Variants in NRXN3 observed in about 807,000 individuals in gnomAD.
NRXN3 encodes neurexin 3, also known as neurexin III.
NRXN3 carries 32 observed loss-of-function variants against 137.6 expected under a neutral mutation model. The observed-to-expected ratio is 0.23, with a 90% CI of 0.18 to 0.31. The LOEUF (loss-of-function observed/expected upper bound fraction) is 0.31. Ranked by LOEUF, NRXN3 falls within the 10% of genes least tolerant of loss-of-function variation. The probability of loss-of-function intolerance (pLI) is 1.00; values close to 1 mark genes in which losing one functional copy is unlikely to be tolerated. For synonymous variants in NRXN3, 798 were observed against 784.5 expected, an observed-to-expected ratio of 1.02 and a Z score of -0.29; for missense variants, 1,574 against 2,062.5, an observed-to-expected ratio of 0.76 and a Z score of 4.59.
At chr14:79,614,287 T>C (rs569388329) in intron 16 of NRXN3, among the ~76,000 whole-genome samples, 175 of 152,332 alleles carry the variant, frequency 1.1e-3, no homozygotes, top group Non-Finnish European at 2.2e-3. Context: ...TTACTGGCCT[T>C]AGATAAGCTT....
intron 4 of NRXN3, among the ~76,000 whole-genome samples, chr14:78,574,876 G>A (rs1479885152): frequency 2.0e-5 from 3 of 152,138 alleles, no homozygotes; most frequent in Non-Finnish European, 2.9e-5. Flanking sequence ...ACAATTCAAG[G>A]TGAGATTTGG....
At chr14:78,407,693 A>T (rs1375759092) in intron 4 of NRXN3, among the ~76,000 whole-genome samples, 1 of 152,144 alleles carries the variant, frequency 6.6e-6, no homozygotes, top group African/African-American at 2.4e-5. Context: ...CACACTTGGG[A>T]ATAATCTCAG....
chr14:79,284,809 C>T (rs1263269235), intron 15 of NRXN3, among the ~76,000 whole-genome samples: 1 of 152,016 alleles, frequency 6.6e-6, no homozygotes, highest in Non-Finnish European at 1.5e-5. Flanking sequence ...TATTGAGTGC[C>T]TTCTTCTGCT....
chr14:79,805,891 A>G (rs1028443145), intron 20 of NRXN3, among the ~76,000 whole-genome samples: 2 of 152,290 alleles, frequency 1.3e-5, no homozygotes, highest in African/African-American at 4.8e-5. Context: ...AGAAGCTTCA[A>G]TGTGTTCCCC....
chr14:79,295,878 G>C (rs1178949285), intron 15 of NRXN3, among the ~76,000 whole-genome samples: 2 of 152,232 alleles, frequency 1.3e-5, no homozygotes, highest in South Asian at 4.1e-4. Flanking sequence ...AGCCTTCTGT[G>C]TTTACTTTTT....
chr14:78,870,750 A>G (rs1403212628), intron 10 of NRXN3, among the ~76,000 whole-genome samples: 1 of 151,498 alleles, frequency 6.6e-6, no homozygotes, highest in African/African-American at 2.4e-5. Flanking sequence ...GTTCAATATT[A>G]TTTTTAGCTC....
At chr14:78,484,875 T>A (rs2095537325) in intron 4 of NRXN3, among the ~76,000 whole-genome samples, 1 of 152,202 alleles carries the variant, frequency 6.6e-6, no homozygotes, top group African/African-American at 2.4e-5. Context: ...AATTAATTAA[T>A]GTCAGTAAAT....
Position 78,663,547 on chromosome 14 carries a change from G to A in NRXN3, c.1221+12221G>A, listed in dbSNP as rs58685373. ...GTGCAATAGTTTCGTCTTGAGATGG[G>A]CAGCACATTGTTTCTTTTTGTTCCA... is the stretch of plus-strand genomic sequence containing the variant. On this transcript the variant is annotated intron_variant, in intron 6 of 20. Coordinates refer to ENST00000335750, the MANE Select transcript of NRXN3 (RefSeq NM_001330195.2). 8.2e-3 allele frequency among the ~76,000 whole-genome samples: 1,248 copies of A among 152,240 alleles called. 92 individuals carry two copies. The East Asian group carries it at 0.18, about 22-fold the overall frequency.
intron 16 of NRXN3, among the ~76,000 whole-genome samples, chr14:79,620,121 G>T (rs1304750671): frequency 6.6e-6 from 1 of 152,062 alleles, no homozygotes; most frequent in Admixed American, 6.6e-5. Flanking sequence ...GATAAACCAA[G>T]AAGAAATGTG....
At chr14:79,376,208 G>A (rs7494375) in intron 15 of NRXN3, among the ~76,000 whole-genome samples, 910 of 42,444 alleles carry the variant, frequency 0.021, 11 homozygotes, top group Middle Eastern at 0.083. Context: ...GTGTGTGTGT[G>A]TGTATGTATA....
intron 14 of NRXN3, among the ~76,000 whole-genome samples, chr14:78,987,278 G>A (rs2099508925): frequency 6.6e-6 from 1 of 152,090 alleles, no homozygotes; most frequent in African/African-American, 2.4e-5. Context: ...TCCACAGCAT[G>A]CGTTTTAGAG....
chr14:79,056,277 G>T (rs1420635234), intron 15 of NRXN3, among the ~76,000 whole-genome samples: 10 of 152,136 alleles, frequency 6.6e-5, no homozygotes, highest in Non-Finnish European at 1.3e-4. Flanking sequence ...TTTACTGAGG[G>T]CATAGTAAGG....
At chr14:79,433,827 T>C (rs1327240939) in intron 15 of NRXN3, among the ~76,000 whole-genome samples, 1 of 152,234 alleles carries the variant, frequency 6.6e-6, no homozygotes, top group Admixed American at 6.5e-5. Flanking sequence ...AGCTCTTGCC[T>C]ATTTAGAAGC....
intron 10 of NRXN3, among the ~76,000 whole-genome samples, chr14:78,848,173 T>C (rs2099032869): frequency 6.6e-6 from 1 of 152,082 alleles, no homozygotes; most frequent in South Asian, 2.1e-4. Flanking sequence ...TATCCTCCCT[T>C]CACCCACCAG....
chr14:79,089,326 T>C (rs1182143274), intron 15 of NRXN3, among the ~76,000 whole-genome samples: 1 of 152,070 alleles, frequency 6.6e-6, no homozygotes, highest in African/African-American at 2.4e-5. Flanking sequence ...TGCTAGTTGA[T>C]AGCAAACAAG....
At chr14:78,183,032 T>A (rs1595676357) in intron 1 of NRXN3, among the ~76,000 whole-genome samples, 1 of 151,952 alleles carries the variant, frequency 6.6e-6, no homozygotes, top group Non-Finnish European at 1.5e-5. Flanking sequence ...CAATGGCAGG[T>A]TGGGAGGCAA....
At chr14:78,322,602 C>T (rs2079524042) in intron 4 of NRXN3, among the ~76,000 whole-genome samples, 1 of 151,922 alleles carries the variant, frequency 6.6e-6, no homozygotes, top group Admixed American at 6.5e-5. Flanking sequence ...TTGATGGCTG[C>T]CCCCATTCCC....
rs1210188055 is a variant in NRXN3 at position 79,861,522 on chromosome 14, C to T, written c.4274C>T (p.Pro1425Leu). 2 of 1,544,454 alleles carry T rather than the reference C, an allele frequency of 1.3e-6. No homozygotes were observed. Among genetic ancestry groups the T allele is most frequent in the Non-Finnish European group, 1.7e-6 (2 of 1,148,508 alleles). Residue 1425 changes from proline to leucine, a missense_variant, in exon 21 of 21, where the codon CCA (proline) becomes CTA (leucine). This residue lies in a region of NRXN3 where 320 missense variants were observed against 387.1 expected (regional missense o/e 0.83). Transcript: ENST00000335750. The surrounding 1 kb of genome is among the most constrained non-coding windows in gnomAD (Gnocchi z 5.4). Reference protein sequence around the residue: ...SSSSGMVPKLPAGKMNNRDLK... With the variant: ...SSSSGMVPKLLAGKMNNRDLK... The stretch of plus-strand genomic sequence containing the variant: ...TCGTCTGGGATGGTGCCCAAATTGC[C>T]AGCTGGCAAAATGAATAACCGTGAT...
intron 15 of NRXN3, among the ~76,000 whole-genome samples, chr14:79,005,039 G>A (rs1020390644): frequency 6.6e-6 from 1 of 152,246 alleles, no homozygotes; most frequent in Admixed American, 6.5e-5. Flanking sequence ...TGGCCACGTA[G>A]CAAAGGGAGT....
Sources: gnomAD v4.1 joint callset for allele counts (sites outside exome capture counted in the v4.1 genomes callset) on GRCh38, gnomAD v4.1.1 for gene constraint, gnomAD v4.1.1 regional missense constraint, Gnocchi (gnomAD v3.1) non-coding constraint, MANE v1.5 for transcripts, NCBI Gene and HGNC (gene_info 2026-07-23, HGNC 2026-07-21) for gene names.